Variants in SHPRH observed in about 807,000 individuals in gnomAD.
SHPRH encodes the protein SNF2 histone linker PHD RING helicase, also known as E3 ubiquitin-protein ligase SHPRH.
SHPRH carries 106 observed loss-of-function variants against 202.5 expected under a neutral mutation model. That is an observed-to-expected ratio of 0.52 (90% CI 0.45 to 0.62). The LOEUF is 0.62. Among genes scored for constraint, SHPRH ranks in the 20% least tolerant of loss-of-function variants. SHPRH has a pLI of 0.00. For synonymous variants in SHPRH, 729 were observed against 686.0 expected, an observed-to-expected ratio of 1.06 and a Z score of -0.98; for missense variants, 1,710 against 2,020.0, an observed-to-expected ratio of 0.85 and a Z score of 2.94.
intron 14 of SHPRH, among the ~76,000 whole-genome samples, chr6:145,928,178 T>C (rs1785070075): frequency 6.6e-6 from 1 of 152,010 alleles, no homozygotes; most frequent in South Asian, 2.1e-4. Flanking sequence ...AGCTGATAGT[T>C]GCGCAGAGAT....
At chr6:145,950,097 T>A (rs780675631) in intron 4 of SHPRH, among the ~76,000 whole-genome samples, 167 bp downstream of exon 4, 12 of 152,146 alleles carry the variant, frequency 7.9e-5, no homozygotes, top group Non-Finnish European at 1.6e-4. Context: ...CAAATTCATT[T>A]TTCTAGATTT....
intron 25 of SHPRH, among the ~76,000 whole-genome samples, chr6:145,897,260 C>G (rs1782093906): frequency 6.6e-6 from 1 of 151,940 alleles, no homozygotes; most frequent in African/African-American, 2.4e-5. Context: ...TTATGAACAA[C>G]TATACGCCAA....
intron 23 of SHPRH, among the ~76,000 whole-genome samples, chr6:145,916,624 T>C (rs1021719945): frequency 6.6e-6 from 1 of 152,118 alleles, no homozygotes; most frequent in Non-Finnish European, 1.5e-5. Flanking sequence ...TTTTCTTAGG[T>C]AGAATATTTA....
downstream of SHPRH, among the ~76,000 whole-genome samples, chr6:145,863,367 A>G (rs1779645145): frequency 6.6e-6 from 1 of 152,264 alleles, no homozygotes; most frequent in African/African-American, 2.4e-5. Flanking sequence ...AAGGGTAGAC[A>G]TAAATAAGAT....
chr6:145,943,481 C>G lies in SHPRH; in HGVS notation c.1900G>C (p.Glu634Gln), dbSNP rs370205582. Residue 634 changes from glutamate to glutamine, a missense_variant, in exon 9 of 30, where the codon GAA becomes CAA. By Grantham distance (29) the Glu-to-Gln change is conservative. Around this residue, in one of 8 missense-constraint regions of SHPRH, gnomAD observed 348 missense variants for 356.9 expected, o/e 0.97. Transcript: ENST00000275233. ...TCACTATCAGCATGATTTAGAGATTCAGCACAGTCCTCTGTTTCATGTTCT... is the reference window on the plus strand; with the variant it reads ...TCACTATCAGCATGATTTAGAGATTGAGCACAGTCCTCTGTTTCATGTTCT... ...NQEHETEDCA[E>Q]SLNHADSDVP... 1.2e-6 allele frequency: 2 copies of G among 1,613,856 alleles called. No individual in the cohort carries two copies. The highest frequency in any genetic ancestry group is 1.7e-5 in the Admixed American group (1 of 59,980).
chr6:145,892,788 C>A (rs1171745968), intron 28 of SHPRH, among the ~76,000 whole-genome samples: 2 of 151,922 alleles, frequency 1.3e-5, no homozygotes, highest in African/African-American at 4.8e-5. Flanking sequence ...TTAAAAGGAG[C>A]CATTTATTTT....
intron 25 of SHPRH, among the ~76,000 whole-genome samples, chr6:145,896,080 T>C (rs1199878124): frequency 6.6e-6 from 1 of 151,950 alleles, no homozygotes; most frequent in African/African-American, 2.4e-5. Context: ...TGAAGAAACA[T>C]TCAAAGGTAA....
At chr6:145,877,801 T>C (rs570861670) in intron 2 of SHPRH, 1 of 152,342 alleles carries the variant, frequency 6.6e-6, no homozygotes, top group East Asian at 1.9e-4. Flanking sequence ...TTCCTTTCTA[T>C]TGATCCCAAG....
At chr6:145,894,304 G>A in intron 26 of SHPRH, 68 bp from the exon 27 acceptor site, 2 of 1,201,408 alleles carry the variant, frequency 1.7e-6, no homozygotes, top group South Asian at 1.7e-5. Context: ...TATCTGAAAA[G>A]GAAATAAATC....
At chr6:145,875,905 A>AT (rs1251817998) in intron 2 of SHPRH, among the ~76,000 whole-genome samples, 1 of 152,304 alleles carries the variant, frequency 6.6e-6, no homozygotes, top group Admixed American at 6.5e-5. Context: ...CATCTGTCTC[A>AT]TTTTCATCTA....
intron 9 of SHPRH, 70 bp downstream of exon 9, chr6:145,943,073 G>A: frequency 1.4e-6 from 2 of 1,475,352 alleles, no homozygotes; most frequent in Non-Finnish European, 1.8e-6. Flanking sequence ...AAGAAACAAA[G>A]ATTAGGAAAC....
chr6:145,874,558 C>T (rs116020629), intron 2 of SHPRH, among the ~76,000 whole-genome samples: 2,249 of 152,202 alleles, frequency 0.015, 45 homozygotes, highest in African/African-American at 0.05. Flanking sequence ...TATACATATA[C>T]ATTCTGAAAT....
intron 1 of SHPRH, among the ~76,000 whole-genome samples, chr6:145,962,134 G>C (rs1433471657): frequency 6.6e-6 from 1 of 152,172 alleles, no homozygotes; most frequent in Non-Finnish European, 1.5e-5. Flanking sequence ...CCTTTTGCTT[G>C]AATTGCTTTT....
At chr6:145,954,599 C>A in intron 2 of SHPRH, 91 bp downstream of exon 2, 1 of 1,357,600 alleles carries the variant, frequency 7.4e-7, no homozygotes, top group Non-Finnish European at 1.0e-6. Context: ...AGGCTTATTG[C>A]TGGCTTTTCA....
intron 5 of SHPRH, 59 bp from the exon 6 acceptor site, chr6:145,947,702 C>A: frequency 6.4e-7 from 1 of 1,574,072 alleles, no homozygotes; most frequent in South Asian, 1.2e-5. Flanking sequence ...TTACAATGTT[C>A]CTAATTACTT....
intron 4 of SHPRH, among the ~76,000 whole-genome samples, chr6:145,949,422 T>C (rs1194864996): frequency 6.6e-6 from 1 of 152,016 alleles, no homozygotes; most frequent in African/African-American, 2.4e-5. Flanking sequence ...AAGAATGAAA[T>C]AATGTCTTTT....
At chr6:145,867,930 AAAAAC>A (rs1014313376) in intron 2 of SHPRH, among the ~76,000 whole-genome samples, 2 of 152,100 alleles carry the variant, frequency 1.3e-5, no homozygotes, top group African/African-American at 4.8e-5. Context: ...CTTCTAGACT[AAAAAC>A]AAAACAAAAC....
intron 2 of SHPRH, among the ~76,000 whole-genome samples, chr6:145,873,877 T>C (rs1281938672): frequency 6.6e-6 from 1 of 151,998 alleles, no homozygotes; most frequent in Non-Finnish European, 1.5e-5. Flanking sequence ...TATCACAAAG[T>C]GATATTATGT....
chr6:145,916,803 G>A (rs1052945370), intron 23 of SHPRH, among the ~76,000 whole-genome samples: 1 of 150,848 alleles, frequency 6.6e-6, no homozygotes, highest in Non-Finnish European at 1.5e-5. Context: ...TTTTTTTTGA[G>A]ATGGAATCTC....
Sources: allele counts gnomAD v4.1 joint callset (sites outside exome capture counted in the v4.1 genomes callset), GRCh38; gene constraint gnomAD v4.1.1; regional missense constraint gnomAD v4.1.1; transcripts MANE v1.5; gene names NCBI Gene and HGNC (gene_info 2026-07-23, HGNC 2026-07-21).